The following PPM1H variants were observed in gnomAD, a reference collection of about 807,000 sequenced individuals.
The protein encoded by PPM1H is protein phosphatase, Mg2+/Mn2+ dependent 1H, also known as protein phosphatase 1H.
In PPM1H, 27 loss-of-function variants were observed where a neutral mutation model predicts 54.9. That is an observed-to-expected ratio of 0.49 (90% CI 0.36 to 0.68). The LOEUF (loss-of-function observed/expected upper bound fraction) is 0.68. Among genes scored for constraint, PPM1H ranks in the 30% least tolerant of loss-of-function variants. PPM1H has a pLI of 0.00. For missense variants in PPM1H, 596 were observed against 667.8 expected (o/e 0.89, Z 1.19); for synonymous variants, 305 against 270.8 (o/e 1.13, Z -1.24).
intron 1 of PPM1H, among the ~76,000 whole-genome samples, chr12:62,884,666 C>T (rs1038167262): frequency 3.3e-5 from 5 of 152,106 alleles, no homozygotes; most frequent in African/African-American, 1.2e-4. Flanking sequence ...AAAGCTCATA[C>T]TTTAGTTAAT....
At chr12:62,888,240 A>C (rs1870661378) in intron 1 of PPM1H, among the ~76,000 whole-genome samples, 1 of 152,162 alleles carries the variant, frequency 6.6e-6, no homozygotes, top group African/African-American at 2.4e-5. Flanking sequence ...ATTTGCTGAA[A>C]TTTATAAAAT....
At chr12:62,679,825 A>G (rs1219112667) in intron 8 of PPM1H, among the ~76,000 whole-genome samples, 1 of 152,240 alleles carries the variant, frequency 6.6e-6, no homozygotes, top group East Asian at 1.9e-4. Context: ...GCTTCTTTGT[A>G]AATATGCCTT....
chr12:62,896,163 C>A (rs1870980172), intron 1 of PPM1H, among the ~76,000 whole-genome samples: 1 of 152,174 alleles, frequency 6.6e-6, no homozygotes, highest in Admixed American at 6.5e-5. Flanking sequence ...TGCTTCCAAG[C>A]ATTAAAAAAA....
At chr12:62,693,227 C>G (rs1372384963) in intron 7 of PPM1H, among the ~76,000 whole-genome samples, 1 of 152,234 alleles carries the variant, frequency 6.6e-6, no homozygotes. Context: ...CTCCAGGCCT[C>G]TGCTCAGAGA....
intron 1 of PPM1H, among the ~76,000 whole-genome samples, chr12:62,907,406 T>C (rs188163542): frequency 6.6e-6 from 1 of 152,322 alleles, no homozygotes; most frequent in East Asian, 1.9e-4. Flanking sequence ...CAGTGCAGTT[T>C]GAGTGTTCAG....
Position 62,665,057 on chromosome 12 carries a change from C to T in PPM1H, c.1397+2121G>A, listed in dbSNP as rs1287821185. 2.7e-5 allele frequency among the ~76,000 whole-genome samples: 4 copies of T among 145,726 alleles called. No individual in the cohort carries two copies. In the Admixed American group the frequency reaches 2.8e-4, roughly 10 times the overall value. On this transcript the variant is annotated intron_variant, in intron 9 of 9. Coordinates refer to ENST00000228705, the MANE Select transcript of PPM1H (RefSeq NM_020700.2). Reference sequence around the variant, plus strand: ...GGTTAAAGTTCTTCAGTTTCTTTCTCTTTTTTTTGGGACAGAGTCTCACTC... The same window carrying T: ...GGTTAAAGTTCTTCAGTTTCTTTCTTTTTTTTTTGGGACAGAGTCTCACTC...
At chr12:62,758,404 G>A (rs1592583508) in intron 4 of PPM1H, among the ~76,000 whole-genome samples, 1 of 152,158 alleles carries the variant, frequency 6.6e-6, no homozygotes. Context: ...CCTGTGTGGG[G>A]TTTCCATATT....
intron 8 of PPM1H, among the ~76,000 whole-genome samples, chr12:62,687,679 T>A (rs1256284177): frequency 6.6e-6 from 1 of 152,056 alleles, no homozygotes; most frequent in African/African-American, 2.4e-5. Flanking sequence ...TATGTCTAAA[T>A]GTTCTGAGCA....
intron 1 of PPM1H, among the ~76,000 whole-genome samples, chr12:62,914,751 A>C (rs1828437491): frequency 6.6e-6 from 1 of 152,204 alleles, no homozygotes; most frequent in South Asian, 2.1e-4. Context: ...TACTGGCCAG[A>C]ACGAGTCACA....
chr12:62,874,149 AG>A (rs1039726023), intron 1 of PPM1H, among the ~76,000 whole-genome samples: 2 of 152,228 alleles, frequency 1.3e-5, no homozygotes, highest in African/African-American at 4.8e-5. Context: ...ACTTTTCACA[AG>A]GGAATGTTAT....
At chr12:62,724,712 C>A (rs1352906953) in intron 5 of PPM1H, among the ~76,000 whole-genome samples, 1 of 152,174 alleles carries the variant, frequency 6.6e-6, no homozygotes, top group African/African-American at 2.4e-5. Context: ...CATTTTATTA[C>A]TTCCAGGAAG....
At chr12:62,767,194 T>C (rs1253939196) in intron 4 of PPM1H, among the ~76,000 whole-genome samples, 3 of 152,110 alleles carry the variant, frequency 2.0e-5, no homozygotes, top group South Asian at 2.1e-4. Context: ...GCTTCTATAC[T>C]TGGGCAACAT....
chr12:62,915,646 C>T (rs1482407455), intron 1 of PPM1H, among the ~76,000 whole-genome samples: 2 of 152,150 alleles, frequency 1.3e-5, no homozygotes, highest in Non-Finnish European at 2.9e-5. Flanking sequence ...AGCAAGAGTC[C>T]TAAATACAGA....
intron 2 of PPM1H, among the ~76,000 whole-genome samples, chr12:62,808,952 C>T (rs1328552349): frequency 6.6e-6 from 1 of 152,146 alleles, no homozygotes; most frequent in African/African-American, 2.4e-5. Flanking sequence ...TTTCAAAGAA[C>T]TATATGAGGC....
intron 4 of PPM1H, among the ~76,000 whole-genome samples, chr12:62,753,059 G>A (rs2120582162): frequency 6.6e-6 from 1 of 152,246 alleles, no homozygotes; most frequent in Admixed American, 6.5e-5. Context: ...AAAGATTTGT[G>A]AATAGTCATG....
chr12:62,916,484 C>A (rs1871626654), intron 1 of PPM1H, among the ~76,000 whole-genome samples: 1 of 152,134 alleles, frequency 6.6e-6, no homozygotes, highest in African/African-American at 2.4e-5. Flanking sequence ...ATGATATTTA[C>A]TGAATAGAAT....
chr12:62,751,658 C>T (rs776872654), intron 4 of PPM1H, among the ~76,000 whole-genome samples: 9 of 152,220 alleles, frequency 5.9e-5, no homozygotes, highest in Non-Finnish European at 8.8e-5. Flanking sequence ...TGCCAAGAAT[C>T]TTGAGGCGTC....
chr12:62,675,910 T>G (rs758190549), intron 8 of PPM1H, among the ~76,000 whole-genome samples: 3 of 152,182 alleles, frequency 2.0e-5, no homozygotes, highest in Admixed American at 1.3e-4. Flanking sequence ...TGTGACAAAG[T>G]CAATCCCGCT....
chr12:62,799,721 A>T (rs1344893231), intron 3 of PPM1H, among the ~76,000 whole-genome samples: 1 of 152,200 alleles, frequency 6.6e-6, no homozygotes, highest in Non-Finnish European at 1.5e-5. Flanking sequence ...CTTGAGATAG[A>T]AGTGCATTTT....
Sources: gnomAD v4.1 joint callset for allele counts (sites outside exome capture counted in the v4.1 genomes callset) on GRCh38, gnomAD v4.1.1 for gene constraint, MANE v1.5 for transcripts, NCBI Gene and HGNC (gene_info 2026-07-23, HGNC 2026-07-21) for gene names.